DDX17: variants seen among roughly 807,000 people sequenced by gnomAD.
DDX17 encodes the protein probable ATP-dependent RNA helicase DDX17.
A neutral mutation model predicts 80.8 loss-of-function variants in DDX17; 10 were observed. The observed-to-expected ratio is 0.12, with a 90% CI of 0.08 to 0.21. The LOEUF (loss-of-function observed/expected upper bound fraction) is 0.21, where lower values mean the gene tolerates loss of function less well. DDX17 is among the 10% of genes least tolerant of loss of function. DDX17 has a pLI of 1.00. For synonymous variants in DDX17, 339 were observed against 336.2 expected (o/e 1.01, Z -0.09); for missense variants, 586 against 957.4 (o/e 0.61, Z 5.12).
At chr22:38,491,998 C>T in intron 11 of DDX17, 58 bp downstream of exon 11, 6 of 1,242,606 alleles carry the variant, frequency 4.8e-6, no homozygotes, top group South Asian at 1.5e-5. Flanking sequence ...TTTGAAATGA[C>T]GAATCTTTAA....
intron 12 of DDX17, among the ~76,000 whole-genome samples, chr22:38,487,527 G>T (rs1411621756): frequency 6.6e-6 from 1 of 152,182 alleles, no homozygotes; most frequent in African/African-American, 2.4e-5. Context: ...GCTGAGGCAG[G>T]AGAATCACTT....
intron 9 of DDX17, 53 bp from the exon 10 acceptor site, chr22:38,493,824 T>C (rs968131791): frequency 6.4e-7 from 1 of 1,572,498 alleles, no homozygotes; most frequent in Non-Finnish European, 8.7e-7. Flanking sequence ...GTGGAGAAAA[T>C]CGAACTTTAA....
intron 5 of DDX17, among the ~76,000 whole-genome samples, chr22:38,497,580 T>C (rs367577634): frequency 7.9e-6 from 1 of 127,156 alleles, no homozygotes; most frequent in Non-Finnish European, 1.6e-5. Context: ...ATCTCGCTAC[T>C]GCACTCCAGC....
At chr22:38,486,550 G>A (rs1042877084) in intron 12 of DDX17, 110 bp from the exon 13 acceptor site, 9 of 1,412,116 alleles carry the variant, frequency 6.4e-6, no homozygotes, top group Admixed American at 3.0e-5. Flanking sequence ...TTGATATTTA[G>A]TTATGCTGGC....
rs2089643685 is a variant in DDX17 at position 38,485,302 on chromosome 22, A to C, written c.*633T>G. ...GTTATTTTTCAGTAACGGGGGGAGA[A>C]GTGGGGAGGCAGAGTGTGAAGGGAA... On this transcript the variant is annotated 3_prime_UTR_variant, in exon 13 of 13. Transcript: ENST00000403230. 6.6e-6 allele frequency: 1 copy of C among 152,258 alleles called. No homozygotes were observed. The highest frequency in any genetic ancestry group is 6.5e-5 in the Admixed American group (1 of 15,288). 9.4% of individuals were successfully genotyped at this position (152,258 alleles called of 1,614,324 possible). A position where few individuals can be genotyped will look rare whatever the true frequency, so the allele number is the denominator to read the frequency against.
Position 38,489,703 on chromosome 22 carries a change from C to A in DDX17, c.1448-1588G>T. The A allele has an allele frequency of 1.0e-6, 1 of 985,228 alleles. No homozygotes were observed. The highest frequency in any genetic ancestry group is 1.2e-6 in the Non-Finnish European group (1 of 829,914). 61.0% of individuals were successfully genotyped at this position (985,228 alleles called of 1,614,324 possible). On this transcript the variant is annotated intron_variant, in intron 11 of 12. Transcript: ENST00000403230. The surrounding 1 kb of genome is among the most constrained non-coding windows in gnomAD (Gnocchi z 4.6). Reference sequence around the variant, plus strand: ...GTTTCTTATTACAATAAAGGCTCCTCGGTCTTTACTGACCCCTAAAGTCCT... The same window carrying A: ...GTTTCTTATTACAATAAAGGCTCCTAGGTCTTTACTGACCCCTAAAGTCCT...
chr22:38,493,999 A>G, intron 9 of DDX17, 22 bp downstream of exon 9: 1 of 1,564,740 alleles, frequency 6.4e-7, no homozygotes, highest in Non-Finnish European at 8.7e-7. Context: ...CCAGAGGTTA[A>G]TTGCCTTGGT....
intron 1 of DDX17, 124 bp downstream of exon 1, chr22:38,505,827 G>A (rs994212467): frequency 4.8e-6 from 6 of 1,253,210 alleles, no homozygotes; most frequent in Middle Eastern, 2.8e-4. Flanking sequence ...GTCTCGCCTC[G>A]AGTCGCCTCC....
chr22:38,501,007 T>G lies in DDX17; in HGVS notation c.438+123A>C, dbSNP rs528451597. ...AAAAAAAATTAACCAAAAAATTTTT[T>G]AAGAAAAATATCACCACACTAGAAT... On this transcript the variant is annotated intron_variant, in intron 2 of 12. Transcript: ENST00000403230. The G allele has an allele frequency of 1.6e-4, 209 of 1,321,668 alleles. 1 individual carries two copies. The East Asian group carries it at 3.9e-3, about 24-fold the overall frequency. 81.9% of individuals were successfully genotyped at this position (1,321,668 alleles called of 1,614,324 possible).
chr22:38,504,962 G>A (rs1410060140), intron 1 of DDX17, among the ~76,000 whole-genome samples: 1 of 152,232 alleles, frequency 6.6e-6, no homozygotes, highest in South Asian at 2.1e-4. Context: ...GGGCTGGAGT[G>A]CAATGGCGCG....
chr22:38,487,173 G>A (rs1347477594), intron 12 of DDX17, among the ~76,000 whole-genome samples: 2 of 151,930 alleles, frequency 1.3e-5, no homozygotes, highest in African/African-American at 2.4e-5. Context: ...CTCTGCCCCC[G>A]CCCCGCCAAA....
At chr22:38,499,100 G>A (rs926541547) in intron 3 of DDX17, among the ~76,000 whole-genome samples, 1 of 152,164 alleles carries the variant, frequency 6.6e-6, no homozygotes, top group East Asian at 1.9e-4. Flanking sequence ...AACAGGACAT[G>A]GGAACATGGT....
chr22:38,498,659 G>A, intron 3 of DDX17, 86 bp from the exon 4 acceptor site: 8 of 1,434,578 alleles, frequency 5.6e-6, no homozygotes, highest in Non-Finnish European at 6.7e-6. Flanking sequence ...GCTCACTGAA[G>A]ATAAGATTTA....
intron 10 of DDX17, chr22:38,493,287 C>T (rs1462340089): frequency 3.2e-5 from 5 of 155,910 alleles, no homozygotes; most frequent in Non-Finnish European, 7.1e-5. Flanking sequence ...AGCAATCCTC[C>T]CACCTCAATC....
rs752124398 is a variant in DDX17, at chr22:38,495,908, A to G, written c.768T>C (p.Leu256=). ...CGGCCACCTGCTGTACTTGCTGGGC[A>G]AGCTCTCTGGTAGGAGCCAGAACTA... Residue 256 remains leucine (L), a synonymous_variant, in exon 6 of 13, where the codon CTT becomes CTC. Transcript: ENST00000403230. The G allele has an allele frequency of 6.2e-7, 1 of 1,610,508 alleles. No homozygotes were observed.
chr22:38,486,283 A>G lies in DDX17; in HGVS notation c.1842T>C (p.Ala614=). The change falls in exon 13 of 13, where the codon GCT becomes GCC. Residue 614 remains alanine (A), a synonymous_variant. Transcript: ENST00000403230. ...TTGGACTTCCATAGCCACTGCCATTAGCATAACCAGCTCTATCGGTTTCAC... is the reference window on the plus strand; with the variant it reads ...TTGGACTTCCATAGCCACTGCCATTGGCATAACCAGCTCTATCGGTTTCAC... The G allele has an allele frequency of 6.2e-7, 1 of 1,614,204 alleles. No homozygotes were observed. Among genetic ancestry groups the G allele is most frequent in the Non-Finnish European group, 8.5e-7 (1 of 1,180,040 alleles).
chr22:38,496,545 T>C (rs915783121), intron 5 of DDX17, among the ~76,000 whole-genome samples: 7 of 152,122 alleles, frequency 4.6e-5, no homozygotes, highest in African/African-American at 9.7e-5. Context: ...GATGGGGGTT[T>C]CCCCATGTTG....
At chr22:38,504,745 C>G (rs529209490) in intron 1 of DDX17, among the ~76,000 whole-genome samples, 2 of 152,182 alleles carry the variant, frequency 1.3e-5, no homozygotes, top group Non-Finnish European at 2.9e-5. Context: ...GTTAACAGAG[C>G]GCCTACTACA....
chr22:38,498,166 A>G lies in DDX17; in HGVS notation c.673-16T>C, dbSNP rs543180215. ...GCAGGAGATACTGTGGAGGGGGGAA[A>G]GAATGACAACCTTACGCTTAGAAGT... On this transcript the variant is annotated splice_polypyrimidine_tract_variant and intron_variant, in intron 4 of 12. Coordinates refer to ENST00000403230, the MANE Select transcript of DDX17 (RefSeq NM_006386.5). 1.9e-6 allele frequency: 3 copies of G among 1,612,960 alleles called. No homozygotes were observed. In the South Asian group the frequency reaches 3.3e-5, roughly 18 times the overall value.
Sources: gnomAD v4.1 joint callset for allele counts (sites outside exome capture counted in the v4.1 genomes callset) on GRCh38, gnomAD v4.1.1 for gene constraint, Gnocchi (gnomAD v3.1) non-coding constraint, MANE v1.5 for transcripts, NCBI Gene and HGNC (gene_info 2026-07-23, HGNC 2026-07-21) for gene names.